The following POLR1B variants were observed in gnomAD, a reference collection of about 807,000 sequenced individuals.
POLR1B encodes RNA polymerase I subunit B, also known as DNA-directed RNA polymerase I subunit RPA2.
A neutral mutation model predicts 105.8 loss-of-function variants in POLR1B; 30 were observed. The ratio of observed to expected loss-of-function variants is 0.28; its 90% CI spans 0.21 to 0.38. The LOEUF (loss-of-function observed/expected upper bound fraction) is 0.38. POLR1B is among the 10% of genes least tolerant of loss of function. POLR1B has a pLI of 1.00. For synonymous variants in POLR1B, 485 were observed against 505.1 expected (o/e 0.96, Z 0.53); for missense variants, 976 against 1,435.8 (o/e 0.68, Z 5.17).
chr2:112,550,160 A>G (rs1012515771), intron 4 of POLR1B, among the ~76,000 whole-genome samples: 3 of 152,028 alleles, frequency 2.0e-5, no homozygotes, highest in Admixed American at 1.3e-4. Context: ...TTTTGTTACT[A>G]CTTATGAAGA....
At chr2:112,573,177 A>G (rs1403197985) in intron 13 of POLR1B, among the ~76,000 whole-genome samples, 4 of 152,186 alleles carry the variant, frequency 2.6e-5, no homozygotes, top group African/African-American at 9.7e-5. Context: ...ATCTTGGCTC[A>G]CTGCAACCTC....
intron 1 of POLR1B, 116 bp from the exon 2 acceptor site, chr2:112,546,896 G>C: frequency 8.8e-7 from 1 of 1,130,106 alleles, no homozygotes; most frequent in Non-Finnish European, 1.3e-6. Context: ...CTTTTTAGGT[G>C]TGTCATGGTG....
At chr2:112,549,477 A>C in intron 4 of POLR1B, 78 bp downstream of exon 4, 6 of 1,077,820 alleles carry the variant, frequency 5.6e-6, no homozygotes, top group African/African-American at 1.7e-5. Flanking sequence ...ATGCATCCAA[A>C]TGGTCTTTGA....
rs1174836572 is a variant in POLR1B at position 112,577,392 on chromosome 2, A to C, written c.*1663A>C. On this transcript the variant is annotated 3_prime_UTR_variant, in exon 15 of 15. Coordinates refer to ENST00000263331, the MANE Select transcript of POLR1B (RefSeq NM_019014.6). ...TCTCTACAAAAAAAGCAACAACGAC[A>C]AAAAAAATTAGCCAAGCATAGTGGC... Among the ~76,000 whole-genome samples, 1 of 151,936 alleles carries C rather than the reference A, an allele frequency of 6.6e-6. No individual in the cohort carries two copies. The highest frequency in any genetic ancestry group is 1.5e-5 in the Non-Finnish European group (1 of 67,970).
Position 112,547,573 on chromosome 2 carries a change from G to T in POLR1B, c.492+6G>T, listed in dbSNP as rs11123139. The T allele has an allele frequency of 2.5e-6, 4 of 1,613,268 alleles. No homozygotes were observed. Among genetic ancestry groups the T allele is most frequent in the Non-Finnish European group, 3.4e-6 (4 of 1,179,736 alleles). ...AGCACCATGAGGAGGCAGAGGTAAT[G>T]ACGGGCGTCCAGGCATGAGACAGTA... On this transcript the variant is annotated splice_donor_region_variant and intron_variant, in intron 3 of 14. Coordinates refer to ENST00000263331, the MANE Select transcript of POLR1B (RefSeq NM_019014.6).
At chr2:112,571,857 A>C (rs963918124) in intron 12 of POLR1B, among the ~76,000 whole-genome samples, 2 of 152,220 alleles carry the variant, frequency 1.3e-5, no homozygotes, top group African/African-American at 4.8e-5. Flanking sequence ...CTTTTGTCCA[A>C]GTAAAAATTC....
chr2:112,573,936 T>C, intron 14 of POLR1B, 121 bp downstream of exon 14: 2 of 1,222,464 alleles, frequency 1.6e-6, no homozygotes, highest in Non-Finnish European at 2.3e-6. Context: ...AACCACCACC[T>C]CCCGGGCTCA....
chr2:112,548,276 C>T (rs145158606), intron 3 of POLR1B: 1 of 152,312 alleles, frequency 6.6e-6, no homozygotes, highest in East Asian at 1.9e-4. Flanking sequence ...ACACACAGCT[C>T]TTCCGCTTAT....
intron 11 of POLR1B, 59 bp from the exon 12 acceptor site, chr2:112,568,686 GT>G: frequency 6.4e-7 from 1 of 1,558,478 alleles, no homozygotes; most frequent in Non-Finnish European, 8.8e-7. Flanking sequence ...CTGAGAAATG[GT>G]AAGAGTAAAT....
chr2:112,543,953 C>T (rs976017179), intron 1 of POLR1B, among the ~76,000 whole-genome samples: 3 of 151,542 alleles, frequency 2.0e-5, no homozygotes, highest in African/African-American at 4.9e-5. Context: ...CATGGTGGTG[C>T]GCACCCAAGT....
rs772957251 is a variant in POLR1B, at chr2:112,573,645, T to C, written c.2355T>C (p.Ile785=). 1 of 1,614,082 alleles carries C rather than the reference T, an allele frequency of 6.2e-7. No homozygotes were observed. The part of the protein sequence containing the change: ...KSEFIDLSEK[I]KQGDSSLVFG... ...AGTTCATAGACCTCTCTGAAAAAAT[T>C]AAACAAGGAGATAGTAGCCTGGTGT... The change falls in exon 14 of 15, where the codon ATT becomes ATC. Residue 785 remains isoleucine (I), a synonymous_variant. Coordinates refer to ENST00000263331, the MANE Select transcript of POLR1B (RefSeq NM_019014.6).
rs201785850 is a variant in POLR1B at position 112,573,865 on chromosome 2, G to A, written c.2525+50G>A. On this transcript the variant is annotated intron_variant, in intron 14 of 14. Transcript: ENST00000263331. ...TTGTTTTTGTTTTTGTTTTTGTTTTGAGACAGGGTCTCAGTGTGTCAGCCG... is the reference window on the plus strand; with the variant it reads ...TTGTTTTTGTTTTTGTTTTTGTTTTAAGACAGGGTCTCAGTGTGTCAGCCG... 8.8e-6 allele frequency: 14 copies of A among 1,586,354 alleles called. No individual in the cohort carries two copies. In the East Asian group the frequency reaches 2.2e-4, roughly 25 times the overall value.
intron 9 of POLR1B, among the ~76,000 whole-genome samples, chr2:112,562,134 G>A (rs1296097891): frequency 6.6e-6 from 1 of 152,128 alleles, no homozygotes; most frequent in Non-Finnish European, 1.5e-5. Flanking sequence ...GCTGCGGGGA[G>A]CATCTGCATC....
rs1277830233 is a variant in POLR1B at position 112,579,515 on chromosome 2, G to A, written c.*3786G>A. The A allele has an allele frequency of 6.6e-6, 1 of 152,078 alleles. No individual in the cohort carries two copies. The highest frequency in any genetic ancestry group is 2.4e-5 in the African/African-American group (1 of 41,396). The allele number at this position is 152,078 out of a possible 1,614,324, so 9.4% of individuals were successfully genotyped here. On this transcript the variant is annotated 3_prime_UTR_variant, in exon 15 of 15. Coordinates refer to ENST00000263331, the MANE Select transcript of POLR1B (RefSeq NM_019014.6). ...CTAGTCAAGTGAAGCAGTGGGAGTGGAAAAAGAACAAATAAATCTGTAAGT... is the reference window on the plus strand; with the variant it reads ...CTAGTCAAGTGAAGCAGTGGGAGTGAAAAAAGAACAAATAAATCTGTAAGT...
chr2:112,573,758 A>G lies in POLR1B; in HGVS notation c.2468A>G (p.Asp823Gly). ...PFIGAKLQYG[D>G]PYYSYLNLNT... is the part of the protein sequence containing the mutation. ...ATAGGAGCAAAACTGCAGTACGGAG[A>G]TCCGTATTACAGCTACCTCAACCTC... The change falls in exon 14 of 15, where the codon GAT becomes GGT. Residue 823 changes from aspartate to glycine, a missense_variant. Transcript: ENST00000263331. 1 of 1,614,178 alleles carries G rather than the reference A, an allele frequency of 6.2e-7. No homozygotes were observed. The highest frequency in any genetic ancestry group is 8.5e-7 in the Non-Finnish European group (1 of 1,180,040).
rs767726738 is a variant in POLR1B at position 112,575,192 on chromosome 2, G to A, written c.2871G>A (p.Ser957=). The A allele has an allele frequency of 2.7e-5, 44 of 1,613,888 alleles. No individual in the cohort carries two copies. The highest frequency in any genetic ancestry group is 2.0e-4 in the Admixed American group (12 of 59,968). Residue 957 remains serine (S), a synonymous_variant, in exon 15 of 15, where the codon TCG becomes TCA. Transcript: ENST00000263331. The surrounding 1 kb of genome is among the most constrained non-coding windows in gnomAD (Gnocchi z 5.3). ...CCTTCATCTTCTCAGAGGAGAACTC[G>A]GCCTTAGAATACTTTGGTGAGATGT... is the stretch of plus-strand genomic sequence containing the variant. ...ATPFIFSEEN[S]ALEYFGEMLK... is the part of the protein sequence containing the mutation.
Position 112,562,129 on chromosome 2 carries a change from G to A in POLR1B, c.1613-2237G>A, listed in dbSNP as rs373681940. Among the ~76,000 whole-genome samples, 17 of 152,216 alleles carry A rather than the reference G, an allele frequency of 1.1e-4. No homozygotes were observed. In the South Asian group the frequency reaches 1.2e-3, roughly 11 times the overall value. The stretch of plus-strand genomic sequence containing the variant: ...CATCGTCTTGTTTGACTTCAGCTGC[G>A]GGGAGCATCTGCATCGGGGGACTCA... On this transcript the variant is annotated intron_variant, in intron 9 of 14. Coordinates refer to ENST00000263331, the MANE Select transcript of POLR1B (RefSeq NM_019014.6).
At chr2:112,561,073 AAAG>A (rs1293613515) in intron 9 of POLR1B, among the ~76,000 whole-genome samples, 1 of 152,020 alleles carries the variant, frequency 6.6e-6, no homozygotes, top group Non-Finnish European at 1.5e-5. Flanking sequence ...TAAAAAAAAA[AAAG>A]AGAGAGAGAG....
intron 1 of POLR1B, among the ~76,000 whole-genome samples, chr2:112,544,239 T>A (rs1682921508): frequency 6.6e-6 from 1 of 152,106 alleles, no homozygotes. Flanking sequence ...CAGACCAGCC[T>A]GGCCAACCTG....
Sources: gnomAD v4.1 joint callset for allele counts (sites outside exome capture counted in the v4.1 genomes callset) on GRCh38, gnomAD v4.1.1 for gene constraint, Gnocchi (gnomAD v3.1) non-coding constraint, MANE v1.5 for transcripts, NCBI Gene and HGNC (gene_info 2026-07-23, HGNC 2026-07-21) for gene names.